The following MYO3A variants were observed in gnomAD, a reference collection of about 807,000 sequenced individuals.
MYO3A encodes the protein myosin IIIA.
Under a neutral mutation model 192.7 loss-of-function variants are expected in MYO3A, and 180 were observed. That is an observed-to-expected ratio of 0.93 (90% CI 0.83 to 1.06). The LOEUF (loss-of-function observed/expected upper bound fraction) is 1.06, where lower values mean the gene tolerates loss of function less well. MYO3A is among the 50% of genes least tolerant of loss of function. The pLI is 0.00. For missense variants in MYO3A, 1,896 were observed against 1,905.0 expected (o/e 1.00, Z 0.09); for synonymous variants, 628 against 645.3 (o/e 0.97, Z 0.41).
At chr10:26,070,467 GA>G in intron 14 of MYO3A, 66 bp downstream of exon 14, 1 of 1,307,812 alleles carries the variant, frequency 7.6e-7, no homozygotes. Flanking sequence ...TAATATAACT[GA>G]TTAGATTAAT....
chr10:26,065,582 C>A (rs1834771253), intron 10 of MYO3A, among the ~76,000 whole-genome samples: 1 of 50,898 alleles, frequency 2.0e-5, no homozygotes, highest in Non-Finnish European at 3.6e-5. Context: ...GAGACTCCAT[C>A]TCCAAAAAAA....
chr10:26,015,182 T>G (rs1841920685), intron 6 of MYO3A, among the ~76,000 whole-genome samples: 1 of 151,830 alleles, frequency 6.6e-6, no homozygotes, highest in Non-Finnish European at 1.5e-5. Context: ...TTATTGCTCT[T>G]TCTATTAGCC....
rs370539949 is a variant in MYO3A at position 26,021,452 on chromosome 10, T to C, written c.586-51T>C. The C allele has an allele frequency of 1.3e-5, 20 of 1,587,066 alleles. No individual in the cohort carries two copies. The African/African-American group carries it at 1.3e-4, about 11-fold the overall frequency. On this transcript the variant is annotated intron_variant, in intron 7 of 34. Transcript: ENST00000642920. ...GCTTTGTTCTAAGTATTTTATTACA[T>C]GCTTGTTAAAGTCACAAATTTCACC...
chr10:25,955,767 CTTTA>C (rs982724019), intron 4 of MYO3A, among the ~76,000 whole-genome samples: 5 of 152,008 alleles, frequency 3.3e-5, no homozygotes, highest in Admixed American at 1.3e-4. Context: ...CAGTAGATAC[CTTTA>C]TTTGACAGCT....
chr10:26,112,074 T>A (rs73594303), intron 17 of MYO3A, among the ~76,000 whole-genome samples: 230 of 152,348 alleles, frequency 1.5e-3, no homozygotes, highest in African/African-American at 5.2e-3. Flanking sequence ...CTTGCTTGGT[T>A]TAGTAACACT....
intron 4 of MYO3A, among the ~76,000 whole-genome samples, chr10:25,979,529 A>T (rs1233758656): frequency 6.6e-6 from 1 of 151,816 alleles, no homozygotes; most frequent in Admixed American, 6.6e-5. Context: ...CAAAGGAAAC[A>T]TACCAAAACA....
intron 4 of MYO3A, 46 bp downstream of exon 4, chr10:25,955,054 G>A: frequency 6.2e-7 from 1 of 1,600,494 alleles, no homozygotes; most frequent in East Asian, 2.2e-5. Context: ...TTAGAGTGTG[G>A]TTCTGAAATG....
At chr10:26,171,910 C>G (rs1435730350) in intron 29 of MYO3A, among the ~76,000 whole-genome samples, 2 of 152,212 alleles carry the variant, frequency 1.3e-5, no homozygotes, top group African/African-American at 4.8e-5. Context: ...CACCTTTCTT[C>G]TGAGGATACC....
chr10:26,098,985 C>G (rs1042427651), intron 17 of MYO3A, among the ~76,000 whole-genome samples: 17 of 152,174 alleles, frequency 1.1e-4, no homozygotes, highest in Non-Finnish European at 2.1e-4. Flanking sequence ...GGCAATGAAT[C>G]TACAAATTAC....
At chr10:26,001,883 A>T (rs1026766949) in intron 6 of MYO3A, among the ~76,000 whole-genome samples, 1 of 152,118 alleles carries the variant, frequency 6.6e-6, no homozygotes, top group African/African-American at 2.4e-5. Context: ...GCTATTCAGG[A>T]GGCTGAGGTG....
At chr10:25,983,573 A>G (rs1839468948) in intron 4 of MYO3A, among the ~76,000 whole-genome samples, 1 of 152,204 alleles carries the variant, frequency 6.6e-6, no homozygotes, top group Admixed American at 6.5e-5. Flanking sequence ...ATGAATTTTG[A>G]AAAGTGAATA....
At chr10:26,194,999 C>T (rs999664753) in intron 32 of MYO3A, among the ~76,000 whole-genome samples, 11 of 152,108 alleles carry the variant, frequency 7.2e-5, no homozygotes, top group Non-Finnish European at 1.0e-4. Context: ...CCTTAATATA[C>T]GTTAAATGGT....
At chr10:26,073,923 TA>T (rs1263363988) in intron 14 of MYO3A, among the ~76,000 whole-genome samples, 1 of 152,086 alleles carries the variant, frequency 6.6e-6, no homozygotes, top group Admixed American at 6.5e-5. Flanking sequence ...ATGGCACATG[TA>T]AAAACTCTCA....
chr10:26,021,048 C>T (rs1842274165), intron 7 of MYO3A, among the ~76,000 whole-genome samples: 6 of 152,158 alleles, frequency 3.9e-5, no homozygotes, highest in Admixed American at 3.9e-4. Flanking sequence ...CAGTAGAGAC[C>T]AAGGCCATCT....
At chr10:26,112,663 G>A (rs185539510) in intron 17 of MYO3A, among the ~76,000 whole-genome samples, 2 of 152,246 alleles carry the variant, frequency 1.3e-5, no homozygotes, top group Admixed American at 6.5e-5. Flanking sequence ...CACCCCAAGT[G>A]TATGTGTCCC....
intron 20 of MYO3A, among the ~76,000 whole-genome samples, chr10:26,134,507 A>G (rs1286911991): frequency 6.6e-6 from 1 of 152,190 alleles, no homozygotes; most frequent in African/African-American, 2.4e-5. Flanking sequence ...TTATTTCATT[A>G]AAGTATTATT....
chr10:25,951,005 C>T (rs1469424623), intron 2 of MYO3A, among the ~76,000 whole-genome samples: 3 of 151,972 alleles, frequency 2.0e-5, no homozygotes, highest in African/African-American at 2.4e-5. Context: ...TAGAAAAGAG[C>T]ATTACTTGGA....
At chr10:26,068,967 A>C in intron 12 of MYO3A, 83 bp downstream of exon 12, 1 of 953,230 alleles carries the variant, frequency 1.0e-6, no homozygotes, top group Non-Finnish European at 1.7e-6. Context: ...TGAATGCCAG[A>C]AAATTTTATC....
chr10:26,202,334 C>T (rs1445377001), intron 33 of MYO3A, among the ~76,000 whole-genome samples: 2 of 152,160 alleles, frequency 1.3e-5, no homozygotes, highest in Non-Finnish European at 2.9e-5. Flanking sequence ...TTTCCCAGAC[C>T]TACCTGTTTA....
Sources: gnomAD v4.1 joint callset for allele counts (sites outside exome capture counted in the v4.1 genomes callset) on GRCh38, gnomAD v4.1.1 for gene constraint, MANE v1.5 for transcripts, NCBI Gene and HGNC (gene_info 2026-07-23, HGNC 2026-07-21) for gene names.